The following MANBAL variants were observed in gnomAD, a reference collection of about 807,000 sequenced individuals.
MANBAL encodes protein MANBAL.
MANBAL carries 1 observed loss-of-function variant against 6.4 expected under a neutral mutation model. The ratio of observed to expected loss-of-function variants is 0.16; its 90% CI spans 0.06 to 0.74. The LOEUF (loss-of-function observed/expected upper bound fraction) is 0.74, where lower values mean the gene tolerates loss of function less well. Among genes scored for constraint, MANBAL ranks in the 30% least tolerant of loss-of-function variants. MANBAL has a pLI of 0.78. For missense variants in MANBAL, 100 were observed against 107.8 expected (o/e 0.93, Z 0.32); for synonymous variants, 47 against 45.8 (o/e 1.03, Z -0.10).
chr20:37,301,669 A>T (rs912907385), intron 2 of MANBAL, among the ~76,000 whole-genome samples: 19 of 152,220 alleles, frequency 1.2e-4, no homozygotes, highest in Admixed American at 3.9e-4. Flanking sequence ...GCACCTGAGG[A>T]GCATCTAGTC....
intron 1 of MANBAL, among the ~76,000 whole-genome samples, chr20:37,292,055 C>T (rs1346279833): frequency 6.6e-6 from 1 of 152,180 alleles, no homozygotes; most frequent in Non-Finnish European, 1.5e-5. Context: ...CATCTGTTAG[C>T]TTGAGCCACC....
In MANBAL at chr20:37,301,943, G is replaced by A. The variant is rs755447703; in HGVS notation, c.150+530G>A. ...CAATAAAGGAAGGGGCTAATTCAAGGAACTGAATGAAGGTGACTGTGGCCA... is the reference window on the plus strand; with the variant it reads ...CAATAAAGGAAGGGGCTAATTCAAGAAACTGAATGAAGGTGACTGTGGCCA... On this transcript the variant is annotated intron_variant, in intron 2 of 2. Coordinates refer to ENST00000373606, the MANE Select transcript of MANBAL (RefSeq NM_001003897.2). 3.7e-4 allele frequency among the ~76,000 whole-genome samples: 57 copies of A among 152,214 alleles called. 2 individuals are homozygous for A. The highest frequency in any genetic ancestry group is 8.8e-5 in the Non-Finnish European group (6 of 68,036).
At chr20:37,307,816 G>GT (rs1415179646) in intron 2 of MANBAL, among the ~76,000 whole-genome samples, 1 of 152,092 alleles carries the variant, frequency 6.6e-6, no homozygotes, top group East Asian at 1.9e-4. Flanking sequence ...CCAAGAATGA[G>GT]TTGCTGAGTT....
rs2069495717 is a variant in MANBAL, at chr20:37,315,666, G to C, written c.151-642G>C. On this transcript the variant is annotated intron_variant, in intron 2 of 2. Transcript: ENST00000373606. ...GAGTCTGGAATTCTGCCCCGAGGCT[G>C]CCTCTGCCCTCCCCCACAGAGGCAC... Among the ~76,000 whole-genome samples the C allele has an allele frequency of 2.6e-5, 4 of 152,378 alleles. No individual in the cohort carries two copies. The South Asian group carries it at 6.2e-4, about 24-fold the overall frequency.
intron 1 of MANBAL, among the ~76,000 whole-genome samples, chr20:37,297,910 G>A (rs531670659): frequency 6.6e-6 from 1 of 152,288 alleles, no homozygotes; most frequent in African/African-American, 2.4e-5. Context: ...CTCCCAAAGT[G>A]CTGGGATTAC....
At chr20:37,292,866 T>C (rs1026457479) in intron 1 of MANBAL, among the ~76,000 whole-genome samples, 4 of 152,224 alleles carry the variant, frequency 2.6e-5, no homozygotes, top group African/African-American at 9.7e-5. Flanking sequence ...GCTCCTTTTA[T>C]TGGAGAATGG....
intron 1 of MANBAL, among the ~76,000 whole-genome samples, chr20:37,291,531 G>C (rs1396093368): frequency 1.3e-5 from 2 of 152,156 alleles, no homozygotes; most frequent in Non-Finnish European, 2.9e-5. Context: ...TTTTGCAGAA[G>C]GACCTTTAAT....
intron 1 of MANBAL, among the ~76,000 whole-genome samples, chr20:37,294,416 G>A (rs1017089581): frequency 1.1e-4 from 16 of 152,230 alleles, no homozygotes; most frequent in African/African-American, 3.9e-4. Context: ...TGTCAACAAA[G>A]CAGCCAGAGG....
At position 37,290,702 on chromosome 20, in the gene MANBAL, A is replaced by G. The variant is rs1025950878; in HGVS notation, c.-57+1016A>G. Among the ~76,000 whole-genome samples the G allele has an allele frequency of 2.6e-5, 4 of 151,596 alleles. No individual in the cohort carries two copies. The East Asian group carries it at 7.8e-4, about 29-fold the overall frequency. On this transcript the variant is annotated intron_variant, in intron 1 of 2. Transcript: ENST00000373606. ...TCAAACTCCCGACCTCAGGTGATCC[A>G]CCCGCCTCGGCCTCCCAGAGTGTTG...
chr20:37,290,108 T>TA (rs748422097), intron 1 of MANBAL, among the ~76,000 whole-genome samples: 18 of 152,232 alleles, frequency 1.2e-4, no homozygotes, highest in Admixed American at 7.2e-4. Flanking sequence ...AAAATGGACA[T>TA]ACACGCTTGT....
intron 1 of MANBAL, among the ~76,000 whole-genome samples, chr20:37,294,674 C>G (rs1600896199): frequency 6.6e-6 from 1 of 152,342 alleles, no homozygotes; most frequent in East Asian, 1.9e-4. Context: ...TGAAATGTCA[C>G]CTTTGCAGAG....
intron 1 of MANBAL, among the ~76,000 whole-genome samples, chr20:37,296,003 G>A (rs1362885574): frequency 1.3e-5 from 2 of 152,218 alleles, no homozygotes; most frequent in Non-Finnish European, 2.9e-5. Flanking sequence ...GGCGCACAGT[G>A]TGTGTAGAGC....
chr20:37,290,496 TC>T (rs2068842376), intron 1 of MANBAL, among the ~76,000 whole-genome samples: 1 of 152,152 alleles, frequency 6.6e-6, no homozygotes, highest in African/African-American at 2.4e-5. Context: ...AGTCTCTCTC[TC>T]GTCCACGCTG....
chr20:37,301,141 TA>T (rs1397996304), intron 1 of MANBAL, 66 bp from the exon 2 acceptor site: 2 of 942,250 alleles, frequency 2.1e-6, no homozygotes, highest in Non-Finnish European at 2.8e-6. Context: ...ATCTCATAAA[TA>T]AATAAATAAA....
chr20:37,314,167 AG>A (rs1396001167), intron 2 of MANBAL, among the ~76,000 whole-genome samples: 9 of 152,094 alleles, frequency 5.9e-5, no homozygotes, highest in Non-Finnish European at 1.2e-4. Context: ...CAAGAGGTAG[AG>A]GGGGTCATGT....
chr20:37,289,932 G>GCCAGAACCCAGGGCT (rs1296072242), intron 1 of MANBAL, among the ~76,000 whole-genome samples: 2 of 152,248 alleles, frequency 1.3e-5, no homozygotes, highest in Non-Finnish European at 2.9e-5. Context: ...CGGAGGCTGG[G>GCCAGAACCCAGGGCT]CCAGAACCCA....
intron 1 of MANBAL, among the ~76,000 whole-genome samples, chr20:37,292,164 C>T (rs2068886057): frequency 6.6e-6 from 1 of 152,140 alleles, no homozygotes; most frequent in Non-Finnish European, 1.5e-5. Context: ...GTACAGCACA[C>T]ATTTAAGGAG....
intron 2 of MANBAL, among the ~76,000 whole-genome samples, chr20:37,309,004 C>T (rs1192115950): frequency 2.6e-5 from 4 of 152,174 alleles, no homozygotes; most frequent in Admixed American, 1.3e-4. Flanking sequence ...TGATTGCCAC[C>T]GTCTCATATT....
chr20:37,315,316 C>T (rs1472649606), intron 2 of MANBAL, among the ~76,000 whole-genome samples: 5 of 152,240 alleles, frequency 3.3e-5, no homozygotes, highest in African/African-American at 1.2e-4. Context: ...TTGGCGTTCT[C>T]TGGGCTAGCC....
Sources: allele counts gnomAD v4.1 joint callset (sites outside exome capture counted in the v4.1 genomes callset), GRCh38; gene constraint gnomAD v4.1.1; transcripts MANE v1.5; gene names NCBI Gene and HGNC (gene_info 2026-07-23, HGNC 2026-07-21).